TCF25: variants seen among roughly 807,000 people sequenced by gnomAD.
The protein encoded by TCF25 is TCF25 ribosome quality control complex subunit, also known as ribosome quality control complex subunit TCF25.
In TCF25, 41 loss-of-function variants were observed where a neutral mutation model predicts 83.1. The ratio of observed to expected loss-of-function variants is 0.49; its 90% CI spans 0.38 to 0.64. The LOEUF (loss-of-function observed/expected upper bound fraction) is 0.64, where lower values mean the gene tolerates loss of function less well. Ranked by LOEUF, TCF25 falls within the 30% of genes least tolerant of loss-of-function variation. The pLI, the probability that TCF25 is intolerant of heterozygous loss-of-function variation, is 0.00. For missense variants in TCF25, 979 were observed against 914.5 expected, an observed-to-expected ratio of 1.07 and a Z score of -0.91; for synonymous variants, 458 against 365.0, an observed-to-expected ratio of 1.25 and a Z score of -2.90.
intron 16 of TCF25, chr16:89,909,056 A>G (rs1287439611): frequency 1.6e-6 from 2 of 1,289,514 alleles, no homozygotes; most frequent in Non-Finnish European, 2.0e-6. Flanking sequence ...CGAATGTACA[A>G]GCGCTTGCGT....
At position 89,905,056 on chromosome 16, in the gene TCF25, G is replaced by C. The variant is rs1459131330; in HGVS notation, c.1588G>C (p.Val530Leu). 4 of 1,603,268 alleles carry C rather than the reference G, an allele frequency of 2.5e-6. No homozygotes were observed. Among genetic ancestry groups the C allele is most frequent in the Non-Finnish European group, 3.4e-6 (4 of 1,175,726 alleles). Reference protein sequence around the residue: ...EENVHEVLQAVDAGDPAVEAC... With the variant: ...EENVHEVLQALDAGDPAVEAC... The stretch of plus-strand genomic sequence containing the variant: ...GAACGTCCACGAGGTTCTGCAAGCA[G>C]TGGACGCCGGGGACCCAGCCGTGGA... Residue 530 changes from valine to leucine, a missense_variant, in exon 14 of 18, where the codon GTG (valine) becomes CTG (leucine). Transcript: ENST00000263346.
chr16:89,896,074 C>T lies in TCF25; in HGVS notation c.1013C>T (p.Pro338Leu), dbSNP rs1354021145. The change falls in exon 9 of 18, where the codon CCC becomes CTC. Residue 338 changes from proline (P) to leucine (L), a missense_variant. Pro to Leu is a moderately conservative substitution (Grantham distance 98). Transcript: ENST00000263346. Reference sequence around the variant, plus strand: ...GCCTGCCGGCTGGATTACCGCAGACCCGAGAACAGGTGAGTGCAGCTGCCC... The same window carrying T: ...GCCTGCCGGCTGGATTACCGCAGACTCGAGAACAGGTGAGTGCAGCTGCCC... Reference protein sequence around the residue: ...SGACRLDYRRPENRSFYLALY... With the variant: ...SGACRLDYRRLENRSFYLALY... 6.2e-7 allele frequency: 1 copy of T among 1,613,590 alleles called. No homozygotes were observed. Among genetic ancestry groups the T allele is most frequent in the Admixed American group, 1.7e-5 (1 of 60,006 alleles).
intron 1 of TCF25, among the ~76,000 whole-genome samples, chr16:89,880,538 C>T (rs1201801162): frequency 6.6e-6 from 1 of 151,668 alleles, no homozygotes; most frequent in African/African-American, 2.4e-5. Context: ...GAGCCAAGAT[C>T]ATGCGATTGC....
At chr16:89,908,636 C>G (rs2045246761) in intron 16 of TCF25, among the ~76,000 whole-genome samples, 2 of 118,448 alleles carry the variant, frequency 1.7e-5, no homozygotes, top group Non-Finnish European at 3.5e-5. Flanking sequence ...GCTCCCACCT[C>G]CCACCTCCCA....
chr16:89,894,111 C>T (rs1388126197), intron 7 of TCF25, among the ~76,000 whole-genome samples: 2 of 152,200 alleles, frequency 1.3e-5, no homozygotes, highest in Non-Finnish European at 2.9e-5. Flanking sequence ...TCCTGGGGAC[C>T]GTCGCAGTAG....
At chr16:89,901,096 C>A in intron 12 of TCF25, 3 of 275,486 alleles carry the variant, frequency 1.1e-5, no homozygotes, top group Admixed American at 4.4e-5. Flanking sequence ...TGTACCAGTG[C>A]TGGGGAGGAG....
At position 89,890,749 on chromosome 16, in the gene TCF25, A is replaced by G. The variant is rs2043364286; in HGVS notation, c.615-1444A>G. 1.3e-5 allele frequency: 2 copies of G among 152,026 alleles called. 1 individual carries two copies. Among genetic ancestry groups the G allele is most frequent in the Admixed American group, 1.3e-4 (2 of 15,246 alleles). The allele number at this position is 152,026 out of a possible 1,614,324, so 9.4% of individuals were successfully genotyped here. Reference sequence around the variant, plus strand: ...ATTTTTGCATGGTTTTATTTCTGCAAATTATAATTATTAATAGTAATTAGT... The same window carrying G: ...ATTTTTGCATGGTTTTATTTCTGCAGATTATAATTATTAATAGTAATTAGT... On this transcript the variant is annotated intron_variant, in intron 5 of 17. Transcript: ENST00000263346.
chr16:89,896,159 G>A (rs1337555015), intron 9 of TCF25, 76 bp downstream of exon 9: 1 of 1,352,802 alleles, frequency 7.4e-7, no homozygotes, highest in Non-Finnish European at 1.0e-6. Context: ...AGGTGCAGTG[G>A]GCACCTCATG....
intron 7 of TCF25, among the ~76,000 whole-genome samples, chr16:89,894,717 G>T (rs1479243543): frequency 1.3e-5 from 2 of 152,218 alleles, no homozygotes; most frequent in African/African-American, 4.8e-5. Context: ...AAGCTAGAGT[G>T]CATTGGCGCA....
chr16:89,908,625 A>T (rs1402292293), intron 16 of TCF25, among the ~76,000 whole-genome samples: 19 of 65,298 alleles, frequency 2.9e-4, no homozygotes, highest in East Asian at 5.7e-4. Context: ...CCCACCTCCC[A>T]GCTCCCACCT....
At chr16:89,890,709 T>C (rs1044048606) in intron 5 of TCF25, 1 of 152,166 alleles carries the variant, frequency 6.6e-6, no homozygotes, top group Non-Finnish European at 1.5e-5. Context: ...TGGTCTGTCT[T>C]GGTCATTTCT....
intron 13 of TCF25, 118 bp from the exon 14 acceptor site, chr16:89,904,820 C>G (rs1445896425): frequency 7.6e-7 from 1 of 1,307,424 alleles, no homozygotes; most frequent in African/African-American, 1.5e-5. Flanking sequence ...CCTCCTTTCA[C>G]TCCAGGCCAC....
intron 1 of TCF25, among the ~76,000 whole-genome samples, chr16:89,877,640 A>G (rs780538123): frequency 4.9e-4 from 74 of 152,216 alleles, no homozygotes; most frequent in Non-Finnish European, 8.8e-4. Context: ...GAAACTAATC[A>G]AAGAGGGGAA....
At chr16:89,875,497 A>T (rs1393534139) in intron 1 of TCF25, among the ~76,000 whole-genome samples, 1 of 138,396 alleles carries the variant, frequency 7.2e-6, no homozygotes, top group African/African-American at 2.7e-5. Context: ...CTTCACATAG[A>T]TATTCCCTGA....
intron 4 of TCF25, chr16:89,886,247 G>A: frequency 2.6e-6 from 1 of 385,348 alleles, no homozygotes; most frequent in Non-Finnish European, 5.1e-6. Flanking sequence ...CTAACATGGT[G>A]AAACCCCCTC....
intron 12 of TCF25, among the ~76,000 whole-genome samples, chr16:89,902,824 C>T (rs1184423268): frequency 6.6e-6 from 1 of 152,160 alleles, no homozygotes; most frequent in Non-Finnish European, 1.5e-5. Context: ...CTAGTATACA[C>T]ACATTACGTG....
intron 6 of TCF25, among the ~76,000 whole-genome samples, chr16:89,893,083 CAG>C (rs1033348007): frequency 7.9e-5 from 12 of 152,310 alleles, no homozygotes; most frequent in African/African-American, 2.6e-4. Context: ...TCACTGCAGA[CAG>C]GGGTTCCATG....
chr16:89,878,372 G>A, intron 1 of TCF25: 5 of 1,159,240 alleles, frequency 4.3e-6, no homozygotes, highest in Non-Finnish European at 5.4e-6. Flanking sequence ...GACCACCTGA[G>A]GTCAGGAGTT....
intron 11 of TCF25, 132 bp from the exon 12 acceptor site, chr16:89,900,503 G>A (rs2044234320): frequency 1.0e-6 from 1 of 987,998 alleles, no homozygotes; most frequent in South Asian, 2.4e-5. Context: ...GAGTTAGGAA[G>A]AGGCCCTTGC....
Sources: allele counts gnomAD v4.1 joint callset (sites outside exome capture counted in the v4.1 genomes callset), GRCh38; gene constraint gnomAD v4.1.1; transcripts MANE v1.5; gene names NCBI Gene and HGNC (gene_info 2026-07-23, HGNC 2026-07-21).